The following ERC1 variants were observed in gnomAD, a reference collection of about 807,000 sequenced individuals.
The protein encoded by ERC1 is ELKS/RAB6-interacting/CAST family member 1.
Under a neutral mutation model 132.0 loss-of-function variants are expected in ERC1, and 56 were observed. The observed-to-expected ratio is 0.42, with a 90% confidence interval of 0.34 to 0.53. The LOEUF (loss-of-function observed/expected upper bound fraction) is 0.53. Ranked by LOEUF, ERC1 falls within the 20% of genes least tolerant of loss-of-function variation. The pLI, the probability that ERC1 is intolerant of heterozygous loss-of-function variation, is 0.03. For synonymous variants in ERC1, 478 were observed against 476.1 expected, an observed-to-expected ratio of 1.00 and a Z score of -0.05; for missense variants, 1,202 against 1,349.9, an observed-to-expected ratio of 0.89 and a Z score of 1.72.
chr12:1,106,618 T>C (rs184866220), intron 4 of ERC1, among the ~76,000 whole-genome samples: 3 of 152,266 alleles, frequency 2.0e-5, no homozygotes, highest in Admixed American at 6.5e-5. Flanking sequence ...TGTAGTTAAT[T>C]GGTAGTCTTG....
chr12:1,294,151 T>C (rs546291737), intron 15 of ERC1, among the ~76,000 whole-genome samples: 10 of 152,298 alleles, frequency 6.6e-5, no homozygotes, highest in African/African-American at 2.4e-4. Flanking sequence ...TTTTCTGCCC[T>C]GATATTCAGT....
chr12:1,230,594 A>G (rs560873448), intron 12 of ERC1, among the ~76,000 whole-genome samples: 34 of 152,230 alleles, frequency 2.2e-4, no homozygotes, highest in Admixed American at 9.8e-4. Context: ...TATTTGCTCT[A>G]TACTCTTATT....
chr12:1,376,859 A>G (rs2087985374), intron 16 of ERC1, among the ~76,000 whole-genome samples: 1 of 152,242 alleles, frequency 6.6e-6, no homozygotes, highest in Non-Finnish European at 1.5e-5. Flanking sequence ...GAAACAAAAA[A>G]GAAACGGTGC....
intron 15 of ERC1, among the ~76,000 whole-genome samples, chr12:1,310,649 T>C (rs1332063777): frequency 1.3e-5 from 2 of 152,252 alleles, no homozygotes; most frequent in African/African-American, 4.8e-5. Context: ...CAAAAGGCTT[T>C]TCTGAATTTC....
At position 1,485,393 on chromosome 12, in the gene ERC1, C is replaced by T. The variant is rs569431260; in HGVS notation, c.3214-4700C>T. Among the ~76,000 whole-genome samples, 7 of 151,480 alleles carry T rather than the reference C, an allele frequency of 4.6e-5. No individual in the cohort carries two copies. The East Asian group carries it at 9.8e-4, about 21-fold the overall frequency. On this transcript the variant is annotated intron_variant, in intron 18 of 18. Transcript: ENST00000360905. ...CTAGTTTTTGTATTTTTAGTAGAGA[C>T]AGAGTTTCACCACATTGGCCAGGCT...
At chr12:1,173,363 A>G (rs961800055) in intron 8 of ERC1, among the ~76,000 whole-genome samples, 4 of 152,156 alleles carry the variant, frequency 2.6e-5, no homozygotes, top group Admixed American at 6.5e-5. Context: ...CCTCCCCACC[A>G]CCACTGTTAG....
chr12:1,346,919 G>A (rs560417419), intron 15 of ERC1, among the ~76,000 whole-genome samples: 37 of 141,142 alleles, frequency 2.6e-4, no homozygotes, highest in African/African-American at 5.7e-4. Flanking sequence ...TCCGCAGTCC[G>A]GCCTGGGCGA....
intron 16 of ERC1, among the ~76,000 whole-genome samples, chr12:1,374,353 T>G (rs1738157192): frequency 6.6e-6 from 1 of 152,054 alleles, no homozygotes; most frequent in African/African-American, 2.4e-5. Flanking sequence ...TCTAATATGG[T>G]CCCAATTTAC....
At position 1,141,615 on chromosome 12, in the gene ERC1, C is replaced by G; in HGVS notation, c.1570-5C>G. ...TCATCACTTGTAAAACTCCTACATTCTTAGGTGGATGCTCTCCGATTGCGT... is the reference window on the plus strand; with the variant it reads ...TCATCACTTGTAAAACTCCTACATTGTTAGGTGGATGCTCTCCGATTGCGT... On this transcript the variant is annotated splice_region_variant and splice_polypyrimidine_tract_variant and intron_variant, in intron 7 of 18. Transcript: ENST00000360905. 1.2e-6 allele frequency: 2 copies of G among 1,601,440 alleles called. No homozygotes were observed. Among genetic ancestry groups the G allele is most frequent in the Non-Finnish European group, 1.7e-6 (2 of 1,174,336 alleles).
chr12:1,327,633 C>T (rs913107623), intron 15 of ERC1, among the ~76,000 whole-genome samples: 10 of 152,110 alleles, frequency 6.6e-5, no homozygotes, highest in Non-Finnish European at 1.5e-4. Context: ...CTTTCTTCCC[C>T]TATATTTTTT....
At chr12:1,413,710 T>C (rs991949669) in intron 17 of ERC1, among the ~76,000 whole-genome samples, 1 of 152,258 alleles carries the variant, frequency 6.6e-6, no homozygotes, top group Non-Finnish European at 1.5e-5. Context: ...AATTTGAGCA[T>C]GATTTGATAA....
intron 15 of ERC1, among the ~76,000 whole-genome samples, chr12:1,364,822 A>G (rs997378757): frequency 6.6e-5 from 10 of 152,200 alleles, no homozygotes; most frequent in African/African-American, 1.9e-4. Context: ...TTACTTACAC[A>G]ATATCTCTGA....
intron 2 of ERC1, among the ~76,000 whole-genome samples, chr12:1,061,643 A>G (rs1293151339): frequency 6.6e-6 from 1 of 151,968 alleles, no homozygotes; most frequent in Admixed American, 6.6e-5. Context: ...CCCCAAAACA[A>G]GTTCTTGTTT....
intron 17 of ERC1, among the ~76,000 whole-genome samples, chr12:1,426,626 T>C (rs1252546992): frequency 2.6e-5 from 4 of 152,196 alleles, no homozygotes; most frequent in Non-Finnish European, 5.9e-5. Flanking sequence ...AAATTTAGAC[T>C]ACAACTATAT....
chr12:1,228,394 T>C (rs1320884946), intron 12 of ERC1, among the ~76,000 whole-genome samples: 1 of 152,286 alleles, frequency 6.6e-6, no homozygotes, highest in African/African-American at 2.4e-5. Flanking sequence ...TTTTATATTC[T>C]GCAACTTTAC....
upstream of ERC1, chr12:990,934 C>CGTGTGTGTGTGTGTGTGAGT (rs886511991): frequency 1.0e-5 from 1 of 99,310 alleles, no homozygotes; most frequent in African/African-American, 3.0e-5. Flanking sequence ...CCGCAGGGGT[C>CGTGTGTGTGTGTGTGTGAGT]GTGTGTGTGT....
chr12:1,405,538 G>T (rs896304329), intron 16 of ERC1, among the ~76,000 whole-genome samples: 4 of 151,638 alleles, frequency 2.6e-5, no homozygotes, highest in South Asian at 4.2e-4. Flanking sequence ...ACCCATCTCT[G>T]TTAAAAATAC....
At chr12:1,091,728 C>CT (rs1175803174) in intron 3 of ERC1, among the ~76,000 whole-genome samples, 1 of 152,156 alleles carries the variant, frequency 6.6e-6, no homozygotes, top group Admixed American at 6.5e-5. Flanking sequence ...GTGACACAAT[C>CT]TGATTTGCTT....
intron 17 of ERC1, among the ~76,000 whole-genome samples, chr12:1,418,962 C>T (rs1565397965): frequency 1.3e-5 from 2 of 152,146 alleles, no homozygotes; most frequent in South Asian, 4.2e-4. Flanking sequence ...AATCCTCCCA[C>T]CTACGCCTCC....
Sources: allele counts gnomAD v4.1 joint callset (sites outside exome capture counted in the v4.1 genomes callset), GRCh38; gene constraint gnomAD v4.1.1; transcripts MANE v1.5; gene names NCBI Gene and HGNC (gene_info 2026-07-23, HGNC 2026-07-21).